Variants in PLEKHA8 observed in about 807,000 individuals in gnomAD.
PLEKHA8 encodes pleckstrin homology domain containing A8.
PLEKHA8 carries 36 observed loss-of-function variants against 68.2 expected under a neutral mutation model. The ratio of observed to expected loss-of-function variants is 0.53; its 90% CI spans 0.40 to 0.70. The LOEUF (loss-of-function observed/expected upper bound fraction) is 0.70. PLEKHA8 is among the 30% of genes least tolerant of loss of function. The pLI is 0.00. For synonymous variants in PLEKHA8, 211 were observed against 216.1 expected (o/e 0.98, Z 0.20); for missense variants, 505 against 615.4 (o/e 0.82, Z 1.90).
chr7:30,099,110 T>TA (rs1795750093), intron 13 of PLEKHA8, among the ~76,000 whole-genome samples: 1 of 152,260 alleles, frequency 6.6e-6, no homozygotes, highest in Admixed American at 6.5e-5. Flanking sequence ...AGTACTTAAA[T>TA]ATCTCAAATT....
At chr7:30,124,693 C>T (rs748972319) in intron 13 of PLEKHA8, among the ~76,000 whole-genome samples, 24 of 152,130 alleles carry the variant, frequency 1.6e-4, no homozygotes, top group Non-Finnish European at 3.5e-4. Context: ...GTTGACCTTA[C>T]TAGATCCTCG....
chr7:30,051,985 T>TA (rs1376743424), intron 6 of PLEKHA8, among the ~76,000 whole-genome samples: 10 of 151,716 alleles, frequency 6.6e-5, no homozygotes, highest in Admixed American at 2.0e-4. Context: ...AATAAATAAA[T>TA]AAATAAATAG....
intron 1 of PLEKHA8, among the ~76,000 whole-genome samples, chr7:30,044,032 ATT>A (rs199681554): frequency 1.6e-4 from 21 of 134,988 alleles, no homozygotes; most frequent in Admixed American, 2.2e-4. Context: ...GTCAGGGATG[ATT>A]TTTTTTTTTT....
rs70980590 is a variant in PLEKHA8, at chr7:30,056,742, A to AGTGTGT, written c.1039+1439_1039+1444dup. Among the ~76,000 whole-genome samples, 166 of 74,778 alleles carry AGTGTGT rather than the reference A, an allele frequency of 2.2e-3. 4 individuals are homozygous for AGTGTGT. The highest frequency in any genetic ancestry group is 1.6e-3 in the Admixed American group (8 of 4,872). The allele number at this position is 74,778 out of a possible 152,430, so 49.1% of individuals were successfully genotyped here. On this transcript the variant is annotated intron_variant, in intron 9 of 13. Transcript: ENST00000449726. Reference sequence around the variant, plus strand: ...CCTGTCTCAAAAAAAAAAAAAAAAAAGTGTGTGTGTGTGTGTGTGTGTGTG... The same window carrying AGTGTGT: ...CCTGTCTCAAAAAAAAAAAAAAAAAAGTGTGTGTGTGTGTGTGTGTGTGTGTGTGTG...
intron 1 of PLEKHA8, among the ~76,000 whole-genome samples, chr7:30,037,921 T>C (rs1791225991): frequency 6.6e-6 from 1 of 152,154 alleles, no homozygotes; most frequent in African/African-American, 2.4e-5. Context: ...CATTCATTAA[T>C]TTTTCCTGAT....
At chr7:30,094,222 T>G (rs1795518870), downstream of PLEKHA8, among the ~76,000 whole-genome samples, 1 of 152,150 alleles carries the variant, frequency 6.6e-6, no homozygotes. Flanking sequence ...TTCCATTTAG[T>G]TCTTTGATTT....
At chr7:30,048,011 ACTACCAGT>A in intron 4 of PLEKHA8, 55 bp downstream of exon 4, 1 of 1,006,252 alleles carries the variant, frequency 9.9e-7, no homozygotes, top group East Asian at 3.9e-5. Flanking sequence ...AAAAGAAGTG[ACTACCAGT>A]ATATCCAATT....
intron 9 of PLEKHA8, 133 bp from the exon 10 acceptor site, chr7:30,060,751 A>G (rs949413938): frequency 3.2e-5 from 22 of 690,256 alleles, no homozygotes; most frequent in Non-Finnish European, 5.4e-5. Context: ...TTTGAAGATT[A>G]TGTTTAGATA....
chr7:30,095,687 G>C (rs533499611), downstream of PLEKHA8, among the ~76,000 whole-genome samples: 51 of 152,244 alleles, frequency 3.3e-4, no homozygotes, highest in South Asian at 1.0e-2. Flanking sequence ...AATCCATCTT[G>C]AATTAATTTT....
chr7:30,055,108 G>A, intron 8 of PLEKHA8, 149 bp from the exon 9 acceptor site: 2 of 762,388 alleles, frequency 2.6e-6, no homozygotes, highest in South Asian at 3.6e-5. Flanking sequence ...TATTTTATGA[G>A]ACCATATTAG....
intron 1 of PLEKHA8, among the ~76,000 whole-genome samples, chr7:30,033,251 A>G (rs1379198665): frequency 6.6e-6 from 1 of 152,212 alleles, no homozygotes; most frequent in Non-Finnish European, 1.5e-5. Flanking sequence ...CAATTTTAGA[A>G]CATTTTCATT....
Position 30,082,270 on chromosome 7 carries a change from CTT to C in PLEKHA8, c.*3484_*3485del, listed in dbSNP as rs1001441805. On this transcript the variant is annotated 3_prime_UTR_variant, in exon 14 of 14. Coordinates refer to ENST00000449726, the MANE Select transcript of PLEKHA8 (RefSeq NM_001197026.2). ...TAGTCCAGCGTTGTTGCTTTTCTCTCTTCTTTGCTACTGAAAATTGCCAGCAG... is the reference window on the plus strand; with the variant it reads ...TAGTCCAGCGTTGTTGCTTTTCTCTCCTTTGCTACTGAAAATTGCCAGCAG... The C allele has an allele frequency of 6.3e-5, 62 of 985,384 alleles. No homozygotes were observed. Among genetic ancestry groups the C allele is most frequent in the South Asian group, 4.2e-4 (9 of 21,296 alleles). 61.0% of individuals were successfully genotyped at this position (985,384 alleles called of 1,614,324 possible). A position where few individuals can be genotyped will look rare whatever the true frequency, so the allele number is the denominator to read the frequency against.
intron 6 of PLEKHA8, among the ~76,000 whole-genome samples, chr7:30,051,698 G>A (rs1214904981): frequency 6.6e-6 from 1 of 152,162 alleles, no homozygotes; most frequent in African/African-American, 2.4e-5. Flanking sequence ...CCCTGGCTGG[G>A]CATGGTGGCT....
rs1481691851 is a variant in PLEKHA8 at position 30,110,910 on chromosome 7, G to T, written c.1363-18356G>T. ...TGTGGTGTTTTCTTATTTTGAGGTT[G>T]TTTTTTTTTTTTTTCACGGAGTCTC... On this transcript the variant is annotated intron_variant, in intron 13 of 13. Transcript: ENST00000396257. 9.8e-4 allele frequency among the ~76,000 whole-genome samples: 134 copies of T among 136,934 alleles called. 2 individuals are homozygous for T. In the East Asian group the frequency reaches 0.015, roughly 16 times the overall value. The allele number at this position is 136,934 out of a possible 152,430, so 89.8% of individuals were successfully genotyped here.
intron 13 of PLEKHA8, among the ~76,000 whole-genome samples, chr7:30,113,731 C>T (rs183221669): frequency 1.8e-4 from 28 of 152,156 alleles, no homozygotes; most frequent in Non-Finnish European, 3.5e-4. Flanking sequence ...GGCCTCATAA[C>T]CTCCTTTTAA....
intron 13 of PLEKHA8, among the ~76,000 whole-genome samples, chr7:30,112,403 A>G (rs576727954): frequency 7.2e-5 from 11 of 152,274 alleles, no homozygotes; most frequent in African/African-American, 2.6e-4. Context: ...AACCTTAAAA[A>G]TACTTCTAAA....
chr7:30,045,058 C>G, intron 1 of PLEKHA8, 27 bp from the exon 2 acceptor site: 1 of 1,511,028 alleles, frequency 6.6e-7, no homozygotes, highest in East Asian at 2.3e-5. Context: ...GCAGTAATTG[C>G]AATGATGCTC....
intron 13 of PLEKHA8, among the ~76,000 whole-genome samples, chr7:30,097,121 A>G (rs1393260138): frequency 6.6e-6 from 1 of 152,202 alleles, no homozygotes; most frequent in Non-Finnish European, 1.5e-5. Flanking sequence ...TCTGGGTTGA[A>G]AATTCTTTTC....
At position 30,083,675 on chromosome 7, in the gene PLEKHA8, C is replaced by T. The variant is rs1562539898; in HGVS notation, c.*4888C>T. On this transcript the variant is annotated 3_prime_UTR_variant, in exon 14 of 14. Transcript: ENST00000449726. ...TACCACTACTCTGCAATGCAAAAGT[C>T]TTCAAAATTCTTTGTTTCCTGTATT... The T allele has an allele frequency of 1.0e-6, 1 of 985,280 alleles. No individual in the cohort carries two copies. Among genetic ancestry groups the T allele is most frequent in the African/African-American group, 1.7e-5 (1 of 57,226 alleles). The allele number at this position is 985,280 out of a possible 1,614,324, so 61.0% of individuals were successfully genotyped here.
Sources: gnomAD v4.1 joint callset for allele counts (sites outside exome capture counted in the v4.1 genomes callset) on GRCh38, gnomAD v4.1.1 for gene constraint, MANE v1.5 for transcripts, NCBI Gene and HGNC (gene_info 2026-07-23, HGNC 2026-07-21) for gene names.